GCDH: variants seen among roughly 807,000 people sequenced by gnomAD.
GCDH encodes glutaryl-CoA dehydrogenase, mitochondrial.
In GCDH, 31 loss-of-function variants were observed where a neutral mutation model predicts 52.8. That is an observed-to-expected ratio of 0.59 (90% confidence interval 0.44 to 0.79). The LOEUF (loss-of-function observed/expected upper bound fraction) is 0.79. GCDH is among the 30% of genes least tolerant of loss of function. GCDH has a pLI of 0.00. For synonymous variants in GCDH, 242 were observed against 250.0 expected, an observed-to-expected ratio of 0.97 and a Z score of 0.30; for missense variants, 509 against 595.0, an observed-to-expected ratio of 0.86 and a Z score of 1.50.
At chr19:12,898,002 C>G in intron 11 of GCDH, 139 bp downstream of exon 11, 3 of 735,136 alleles carry the variant, frequency 4.1e-6, no homozygotes, top group Non-Finnish European at 7.1e-6. Context: ...CCTTACCCCT[C>G]TGTCCCTCAT....
chr19:12,892,855 G>A lies in GCDH; in HGVS notation c.335-628G>A, dbSNP rs1970591188. 2.0e-5 allele frequency among the ~76,000 whole-genome samples: 3 copies of A among 148,010 alleles called. No homozygotes were observed. In the South Asian group the frequency reaches 6.4e-4, roughly 32 times the overall value. Reference sequence around the variant, plus strand: ...GCCTCAGCCTCCTGATTACAGGTGTGAGCCACCGTTGCCCGGCCCTTTTCT... The same window carrying A: ...GCCTCAGCCTCCTGATTACAGGTGTAAGCCACCGTTGCCCGGCCCTTTTCT... On this transcript the variant is annotated intron_variant, in intron 5 of 11. Coordinates refer to ENST00000222214, the MANE Select transcript of GCDH (RefSeq NM_000159.4).
chr19:12,891,266 T>G lies in GCDH; in HGVS notation c.-34-5T>G. 1 of 1,553,552 alleles carries G rather than the reference T, an allele frequency of 6.4e-7. No individual in the cohort carries two copies. Among genetic ancestry groups the G allele is most frequent in the Non-Finnish European group, 8.8e-7 (1 of 1,140,474 alleles). ...AGCTCCGCTCTGACACCCCCGCTCC[T>G]GTAGGTCGCCGTCGTTGCTCCGCTC... is the stretch of plus-strand genomic sequence containing the variant. On this transcript the variant is annotated splice_polypyrimidine_tract_variant and splice_region_variant and intron_variant, in intron 1 of 11. Transcript: ENST00000222214.
intron 3 of GCDH, 144 bp downstream of exon 3, chr19:12,891,666 T>G: frequency 6.2e-7 from 1 of 1,604,526 alleles, no homozygotes; most frequent in Admixed American, 1.7e-5. Flanking sequence ...AGGCAGTGAG[T>G]GCGCTGTGCC....
intron 6 of GCDH, 93 bp downstream of exon 6, chr19:12,893,746 C>T: frequency 8.2e-7 from 1 of 1,215,398 alleles, no homozygotes; most frequent in Non-Finnish European, 1.2e-6. Flanking sequence ...TATTCTGTCC[C>T]TATCTCAAAG....
rs2145959725 is a variant in GCDH at position 12,899,714 on chromosome 19, T to C, written c.*173T>C. 1 of 1,612,326 alleles carries C rather than the reference T, an allele frequency of 6.2e-7. No homozygotes were observed. Among genetic ancestry groups the C allele is most frequent in the East Asian group, 2.2e-5 (1 of 44,870 alleles). ...CCCTTCTGAAGTCGTTCAGATGTGT[T>C]CCTTAAAAAGAAGATGGAATTCTCT... On this transcript the variant is annotated 3_prime_UTR_variant, in exon 12 of 12. Coordinates refer to ENST00000222214, the MANE Select transcript of GCDH (RefSeq NM_000159.4).
chr19:12,899,925 T>C lies in GCDH; in HGVS notation c.*384T>C. 1 of 1,605,216 alleles carries C rather than the reference T, an allele frequency of 6.2e-7. No homozygotes were observed. Among genetic ancestry groups the C allele is most frequent in the Non-Finnish European group, 8.5e-7 (1 of 1,175,614 alleles). On this transcript the variant is annotated 3_prime_UTR_variant, in exon 12 of 12. Transcript: ENST00000222214. ...TGGGGGTAGTGCCTTATGCTGGGTG[T>C]TGGAGCAGAGTGAGGGAGAGGAAAA...
Position 12,891,975 on chromosome 19 carries a change from G to A in GCDH, c.271+1G>A, listed in dbSNP as rs786204639. On this transcript the variant is annotated splice_donor_variant, in intron 4 of 11. Transcript: ENST00000222214. LOFTEE classifies it high-confidence loss of function. ...ATCCTGTTGGCCAATCGCAACGAAG[G>A]TGGGCGGGCTGGTGGGTGCCCTGAG... The A allele has an allele frequency of 6.2e-7, 1 of 1,614,254 alleles. No individual in the cohort carries two copies. Among genetic ancestry groups the A allele is most frequent in the East Asian group, 2.2e-5 (1 of 44,886 alleles).
rs758130825 is a variant in GCDH at position 12,892,311 on chromosome 19, C to A, written c.334+133C>A. On this transcript the variant is annotated intron_variant, in intron 5 of 11. Coordinates refer to ENST00000222214, the MANE Select transcript of GCDH (RefSeq NM_000159.4). Reference sequence around the variant, plus strand: ...TTTTCTTTCCTTTCTTCTTCCCCCCCAACAGAGTCTGGCTCTGTTGCCCAG... The same window carrying A: ...TTTTCTTTCCTTTCTTCTTCCCCCCAAACAGAGTCTGGCTCTGTTGCCCAG... The A allele has an allele frequency of 1.8e-5, 16 of 864,876 alleles. No individual in the cohort carries two copies. In the East Asian group the frequency reaches 3.7e-4, roughly 20 times the overall value. The allele number at this position is 864,876 out of a possible 1,614,324, so 53.6% of individuals were successfully genotyped here. A position where few individuals can be genotyped will look rare whatever the true frequency, so the allele number is the denominator to read the frequency against.
chr19:12,892,122 A>T lies in GCDH; in HGVS notation c.278A>T (p.His93Leu), dbSNP rs398123192. Residue 93 changes from histidine to leucine, a missense_variant, in exon 5 of 12, where the codon CAT becomes CTT. Transcript: ENST00000222214. ...GGCACTGGTCCCTTTGCAGTTTTTC[A>T]TCGGGAGATCATTTCGGAGATGGGG... is the stretch of plus-strand genomic sequence containing the variant. Reference protein sequence around the residue: ...ILLANRNEVFHREIISEMGEL... With the variant: ...ILLANRNEVFLREIISEMGEL... 4 of 1,613,978 alleles carry T rather than the reference A, an allele frequency of 2.5e-6. No individual in the cohort carries two copies. In the African/African-American group the frequency reaches 4.0e-5, roughly 16 times the overall value.
chr19:12,897,464 C>A (rs763521748), intron 10 of GCDH, 36 bp downstream of exon 10: 2 of 1,607,944 alleles, frequency 1.2e-6, no homozygotes, highest in Non-Finnish European at 1.7e-6. Context: ...GGGATGGCAG[C>A]GGTGGCTGGA....
At chr19:12,891,143 G>A (rs1418395768), upstream of GCDH, 3 of 657,748 alleles carry the variant, frequency 4.6e-6, no homozygotes, top group Admixed American at 2.2e-5. Context: ...TTCTTGCTGA[G>A]GTCAAAGGCC....
chr19:12,894,498 C>T lies in GCDH; in HGVS notation c.505+845C>T, dbSNP rs1043843012. On this transcript the variant is annotated intron_variant, in intron 6 of 11. Transcript: ENST00000222214. ...TAAAAAAAAGGAGAGAAGGGTATTCCTGGACTGACTGAGACTATGATGCCT... is the reference window on the plus strand; with the variant it reads ...TAAAAAAAAGGAGAGAAGGGTATTCTTGGACTGACTGAGACTATGATGCCT... 3.0e-5 allele frequency: 21 copies of T among 711,512 alleles called. No individual in the cohort carries two copies. The African/African-American group carries it at 3.1e-4, about 11-fold the overall frequency. 44.1% of individuals were successfully genotyped at this position (711,512 alleles called of 1,614,324 possible).
rs1970555210 is a variant in GCDH, at chr19:12,891,495, G to A, written c.100G>A (p.Gly34Arg). ...CCGTTCTGTGCTTGCAGAGAAAGGC[G>A]GGAGAACACAGAGCCAACTGGCTAA... ...VSSAAQTEKG[G>R]RTQSQLAKSS... Residue 34 changes from glycine (G) to arginine (R), a missense_variant, in exon 3 of 12, where the codon GGG becomes AGG. Transcript: ENST00000222214. 6.2e-7 allele frequency: 1 copy of A among 1,614,228 alleles called. No homozygotes were observed. Among genetic ancestry groups the A allele is most frequent in the Non-Finnish European group, 8.5e-7 (1 of 1,180,036 alleles).
intron 6 of GCDH, chr19:12,894,830 C>G: frequency 1.7e-6 from 1 of 590,100 alleles, no homozygotes; most frequent in Non-Finnish European, 2.8e-6. Context: ...GAGACGCAGA[C>G]TGTCCTCTCT....
Position 12,894,253 on chromosome 19 carries a change from C to T in GCDH, c.505+600C>T, listed in dbSNP as rs1970622106. Reference sequence around the variant, plus strand: ...GGCCACAGAAGTTGCTGTTGACGCTCTGGGTGAAGAATGGAAGGGTTACGT... The same window carrying T: ...GGCCACAGAAGTTGCTGTTGACGCTTTGGGTGAAGAATGGAAGGGTTACGT... On this transcript the variant is annotated intron_variant, in intron 6 of 11. Transcript: ENST00000222214. The T allele has an allele frequency of 4.9e-6, 5 of 1,025,932 alleles. No homozygotes were observed. The South Asian group carries it at 6.3e-5, about 13-fold the overall frequency. The allele number at this position is 1,025,932 out of a possible 1,614,324, so 63.6% of individuals were successfully genotyped here. A position where few individuals can be genotyped will look rare whatever the true frequency, so the allele number is the denominator to read the frequency against.
At position 12,897,813 on chromosome 19, in the gene GCDH, A is replaced by G; in HGVS notation, c.1193A>G (p.Tyr398Cys). ...GGGGGGAATGGGATTTCTGACGAGT[A>G]TCACGTGATCCGGCACGCCATGAAC... Reference protein sequence around the residue: ...MLGGNGISDEYHVIRHAMNLE... With the variant: ...MLGGNGISDECHVIRHAMNLE... The change falls in exon 11 of 12, where the codon TAT (tyrosine) becomes TGT (cysteine). Residue 398 changes from tyrosine (Y) to cysteine (C), a missense_variant. Tyr to Cys is a radical substitution (Grantham distance 194). Transcript: ENST00000222214. 2 of 1,613,994 alleles carry G rather than the reference A, an allele frequency of 1.2e-6. No individual in the cohort carries two copies. The highest frequency in any genetic ancestry group is 1.7e-6 in the Non-Finnish European group (2 of 1,179,964).
intron 4 of GCDH, 63 bp from the exon 5 acceptor site, chr19:12,892,053 T>C (rs1353142806): frequency 6.2e-7 from 1 of 1,612,536 alleles, no homozygotes; most frequent in African/African-American, 1.3e-5. Flanking sequence ...CCCTCTGTCC[T>C]TGGGGCTGGG....
chr19:12,895,291 G>A (rs528941908), intron 6 of GCDH, among the ~76,000 whole-genome samples: 2 of 151,996 alleles, frequency 1.3e-5, no homozygotes, highest in South Asian at 2.1e-4. Flanking sequence ...ACAAAGTCCC[G>A]CTCCGTCCCC....
At chr19:12,892,395 G>A (rs1340980398) in intron 5 of GCDH, 1 of 608,504 alleles carries the variant, frequency 1.6e-6, no homozygotes, top group Non-Finnish European at 2.9e-6. Flanking sequence ...AGGCTCAAGC[G>A]ATTCTCCTGC....
Sources: gnomAD v4.1 joint callset for allele counts (sites outside exome capture counted in the v4.1 genomes callset) on GRCh38, gnomAD v4.1.1 for gene constraint, MANE v1.5 for transcripts, NCBI Gene and HGNC (gene_info 2026-07-23, HGNC 2026-07-21) for gene names.